HMGN5: variants seen among roughly 807,000 people sequenced by gnomAD.
HMGN5 encodes the protein high mobility group nucleosome-binding domain-containing protein 5.
Under a neutral mutation model 9.5 loss-of-function variants are expected in HMGN5, and 4 were observed. The ratio of observed to expected loss-of-function variants is 0.42; its 90% CI spans 0.21 to 0.96. The LOEUF (loss-of-function observed/expected upper bound fraction) is 0.96, where lower values mean the gene tolerates loss of function less well. Among genes scored for constraint, HMGN5 ranks in the 40% least tolerant of loss-of-function variants. The probability of loss-of-function intolerance (pLI) is 0.30; values close to 1 mark genes in which losing one functional copy is unlikely to be tolerated. For synonymous variants in HMGN5, 55 were observed against 57.1 expected, an observed-to-expected ratio of 0.96 and a Z score of 0.16; for missense variants, 192 against 187.5, an observed-to-expected ratio of 1.02 and a Z score of -0.14.
At chrX:81,160,155 A>G (rs367739107) in intron 1 of HMGN5, among the ~76,000 whole-genome samples, 24 of 111,503 alleles carry the variant, frequency 2.2e-4, no homozygotes, top group East Asian at 8.5e-4. Flanking sequence ...ATCAACCTTG[A>G]TAAAGATATC....
rs1208823480 is a variant in HMGN5 at position 81,114,064 on chromosome X, ACAATCAT to A, written c.*578_*584del. ...TATATTTTTGAAGATATAACAAAACACAATCATCGTCAGAGTCTTTTTATTAAGATAA... is the reference window on the plus strand; with the variant it reads ...TATATTTTTGAAGATATAACAAAACACGTCAGAGTCTTTTTATTAAGATAA... On this transcript the variant is annotated 3_prime_UTR_variant, in exon 7 of 7. Coordinates refer to ENST00000358130, the MANE Select transcript of HMGN5 (RefSeq NM_030763.3). The A allele has an allele frequency of 6.2e-5, 7 of 112,302 alleles. No homozygotes were observed. Among genetic ancestry groups the A allele is most frequent in the African/African-American group, 2.3e-4 (7 of 31,028 alleles). The allele number at this position is 112,302 out of a possible 1,213,427, so 9.3% of individuals were successfully genotyped here. A position where few individuals can be genotyped will look rare whatever the true frequency, so the allele number is the denominator to read the frequency against.
chrX:81,128,329 A>C (rs1394034690), intron 1 of HMGN5, among the ~76,000 whole-genome samples: 1 of 111,366 alleles, frequency 9.0e-6, no homozygotes, highest in African/African-American at 3.3e-5. Context: ...CGATAGTATA[A>C]ATCCACATTT....
rs370807775 is a variant in HMGN5 at position 81,138,989 on chromosome X, A to C, written c.-123-17317T>G. Among the ~76,000 whole-genome samples, 26 of 112,193 alleles carry C rather than the reference A, an allele frequency of 2.3e-4. 1 individual carries two copies. The South Asian group carries it at 9.2e-3, about 40-fold the overall frequency. On this transcript the variant is annotated intron_variant, in intron 1 of 6. Coordinates refer to ENST00000358130, the MANE Select transcript of HMGN5 (RefSeq NM_030763.3). ...GAAGAACATAAAAAAAGAAATGGAG[A>C]GACATATCACGCTCACAGAATGAAA... is the stretch of plus-strand genomic sequence containing the variant.
chrX:81,184,568 T>G (rs916771637), intron 1 of HMGN5, among the ~76,000 whole-genome samples: 2 of 111,245 alleles, frequency 1.8e-5, no homozygotes, highest in Admixed American at 9.6e-5. Flanking sequence ...ATTTTTTTTT[T>G]TTGTTTTGCT....
chrX:81,133,274 A>G, intron 1 of HMGN5, among the ~76,000 whole-genome samples: 1 of 111,921 alleles, frequency 8.9e-6, no homozygotes, highest in Admixed American at 9.5e-5. Context: ...AATTAGTTCA[A>G]CCATTGTGGA....
At chrX:81,144,408 C>A (rs977596156) in intron 1 of HMGN5, among the ~76,000 whole-genome samples, 11 of 111,223 alleles carry the variant, frequency 9.9e-5, no homozygotes, top group Non-Finnish European at 2.1e-4. Context: ...GCAGACGAGT[C>A]GGACTGTTAG....
At chrX:81,158,499 C>T (rs1332675426) in intron 1 of HMGN5, among the ~76,000 whole-genome samples, 1 of 112,010 alleles carries the variant, frequency 8.9e-6, no homozygotes, top group East Asian at 2.8e-4. Context: ...ATGTCCTTTG[C>T]CCACTTTTTA....
At chrX:81,196,119 C>A (rs2075507478) in intron 1 of HMGN5, among the ~76,000 whole-genome samples, 1 of 111,535 alleles carries the variant, frequency 9.0e-6, no homozygotes, top group Admixed American at 9.5e-5. Flanking sequence ...CTTCTGCTGG[C>A]ACTTGAAGAG....
At chrX:81,166,857 A>G (rs1432480140) in intron 1 of HMGN5, among the ~76,000 whole-genome samples, 1 of 111,704 alleles carries the variant, frequency 9.0e-6, no homozygotes, top group African/African-American at 3.3e-5. Context: ...CAGTCAGCCC[A>G]GCTACATGAA....
intron 1 of HMGN5, among the ~76,000 whole-genome samples, chrX:81,152,044 G>T (rs2075364272): frequency 9.0e-6 from 1 of 111,690 alleles, no homozygotes; most frequent in East Asian, 2.8e-4. Context: ...AAAAACCCTA[G>T]AAGAAAACCT....
chrX:81,139,428 A>G (rs773480777), intron 1 of HMGN5, among the ~76,000 whole-genome samples: 1 of 111,717 alleles, frequency 9.0e-6, no homozygotes, highest in African/African-American at 3.3e-5. Context: ...AAAGAGGCAG[A>G]GTAAGATGGC....
chrX:81,191,609 T>G (rs997776541), intron 1 of HMGN5, among the ~76,000 whole-genome samples: 1 of 112,006 alleles, frequency 8.9e-6, no homozygotes. Flanking sequence ...ATTCTTAGTG[T>G]TGGGAAAGGC....
chrX:81,170,961 A>C (rs906870692), intron 1 of HMGN5, among the ~76,000 whole-genome samples: 1 of 111,055 alleles, frequency 9.0e-6, no homozygotes, highest in African/African-American at 3.3e-5. Context: ...TGTATTTGCC[A>C]TCCTGTTCAA....
chrX:81,175,766 C>T (rs946786391), intron 1 of HMGN5, among the ~76,000 whole-genome samples: 7 of 111,549 alleles, frequency 6.3e-5, no homozygotes, highest in African/African-American at 2.3e-4. Context: ...CTGCTTTCCA[C>T]TGAAGTGCCT....
At chrX:81,170,302 C>T (rs936082482) in intron 1 of HMGN5, among the ~76,000 whole-genome samples, 2 of 111,000 alleles carry the variant, frequency 1.8e-5, no homozygotes, top group African/African-American at 6.6e-5. Flanking sequence ...TGCACTGAGT[C>T]CATGAATAGA....
chrX:81,115,679 T>C (rs1273635989), intron 6 of HMGN5, among the ~76,000 whole-genome samples: 1 of 112,289 alleles, frequency 8.9e-6, no homozygotes, highest in Non-Finnish European at 1.9e-5. Context: ...GTACCAGATA[T>C]TATAAGATAA....
At chrX:81,154,439 C>T (rs190671419) in intron 1 of HMGN5, among the ~76,000 whole-genome samples, 4 of 111,445 alleles carry the variant, frequency 3.6e-5, no homozygotes, top group Non-Finnish European at 7.5e-5. Context: ...AAACTCCCCA[C>T]GACAACAGAC....
chrX:81,114,697 C>T lies in HMGN5; in HGVS notation c.801G>A (p.Glu267=), dbSNP rs752727905. Residue 267 remains glutamate, a synonymous_variant, in exon 7 of 7, where the codon GAG becomes GAA. Transcript: ENST00000358130. The part of the protein sequence containing the change: ...KEEEEGKEED[E]IKEDDGKKEE... ...CTTTTTTTCCATCATCTTCTTTGAT[C>T]TCATCTTCCTCTTTTCCTTCTTCCT... The T allele has an allele frequency of 8.7e-7, 1 of 1,152,458 alleles. No individual in the cohort carries two copies. The highest frequency in any genetic ancestry group is 2.0e-5 in the South Asian group (1 of 49,307). The allele number at this position is 1,152,458 out of a possible 1,213,427, so 95.0% of individuals were successfully genotyped here.
intron 1 of HMGN5, among the ~76,000 whole-genome samples, chrX:81,199,805 G>T (rs936004012): frequency 5.4e-5 from 6 of 112,006 alleles, no homozygotes; most frequent in African/African-American, 1.9e-4. Flanking sequence ...TGCCATTCAG[G>T]ACATAGGCAT....
Sources: allele counts gnomAD v4.1 joint callset (sites outside exome capture counted in the v4.1 genomes callset), GRCh38; gene constraint gnomAD v4.1.1; transcripts MANE v1.5; gene names NCBI Gene and HGNC (gene_info 2026-07-23, HGNC 2026-07-21).